Variants in NPTN observed in about 807,000 individuals in gnomAD.
NPTN encodes SDR-1.
A neutral mutation model predicts 42.7 loss-of-function variants in NPTN; 5 were observed. The ratio of observed to expected loss-of-function variants is 0.12; its 90% CI spans 0.06 to 0.25. The LOEUF is 0.25. Among genes scored for constraint, NPTN ranks in the 10% least tolerant of loss-of-function variants. NPTN has a pLI of 1.00. For missense variants in NPTN, 307 were observed against 525.4 expected (o/e 0.58, Z 4.06); for synonymous variants, 180 against 201.9 (o/e 0.89, Z 0.92).
intron 4 of NPTN, among the ~76,000 whole-genome samples, chr15:73,578,256 G>C (rs1595908616): frequency 6.6e-6 from 1 of 152,248 alleles, no homozygotes; most frequent in Non-Finnish European, 1.5e-5. Flanking sequence ...AAAATGATGG[G>C]TGTGTTTTAA....
At chr15:73,593,631 A>C (rs1896700289) in intron 2 of NPTN, among the ~76,000 whole-genome samples, 1 of 152,230 alleles carries the variant, frequency 6.6e-6, no homozygotes, top group Non-Finnish European at 1.5e-5. Context: ...TGGGAAATGT[A>C]ATGTCTTAAG....
chr15:73,579,081 C>T lies in NPTN; in HGVS notation c.707-5286G>A, dbSNP rs572136854. ...GGATCACGAGGTCAGGAGATCAAGA[C>T]CATCCTGGCTAACACGGTGAAACCC... On this transcript the variant is annotated intron_variant, in intron 4 of 8. Coordinates refer to ENST00000345330, the MANE Select transcript of NPTN (RefSeq NM_012428.4). Among the ~76,000 whole-genome samples, 388 of 150,020 alleles carry T rather than the reference C, an allele frequency of 2.6e-3. 6 individuals carry two copies. In the Middle Eastern group the frequency reaches 0.053, roughly 21 times the overall value.
intron 1 of NPTN, among the ~76,000 whole-genome samples, chr15:73,631,918 T>C (rs755237235): frequency 6.6e-6 from 1 of 152,170 alleles, no homozygotes; most frequent in Non-Finnish European, 1.5e-5. Flanking sequence ...CTCCATCTTC[T>C]CAAAGGAGCT....
chr15:73,617,803 T>C (rs1024336516), intron 1 of NPTN, among the ~76,000 whole-genome samples: 2 of 152,212 alleles, frequency 1.3e-5, no homozygotes, highest in Admixed American at 1.3e-4. Context: ...GAAAGCTCAT[T>C]CTTCTGATAA....
At chr15:73,631,672 CA>C (rs1898751802) in intron 1 of NPTN, among the ~76,000 whole-genome samples, 1 of 152,164 alleles carries the variant, frequency 6.6e-6, no homozygotes, top group Admixed American at 6.5e-5. Flanking sequence ...TAACAATAAA[CA>C]ATGAAAGATT....
intron 1 of NPTN, among the ~76,000 whole-genome samples, chr15:73,604,243 C>G (rs565613304): frequency 1.9e-4 from 29 of 152,192 alleles, no homozygotes; most frequent in Admixed American, 6.5e-4. Flanking sequence ...GTGGTCTGAT[C>G]GCTCGAGTCC....
At chr15:73,606,817 G>C (rs1897312824) in intron 1 of NPTN, among the ~76,000 whole-genome samples, 1 of 152,178 alleles carries the variant, frequency 6.6e-6, no homozygotes, top group African/African-American at 2.4e-5. Flanking sequence ...TTCTTTGCTT[G>C]ACCAATATGT....
At chr15:73,628,418 T>A (rs1024030604) in intron 1 of NPTN, among the ~76,000 whole-genome samples, 1 of 152,216 alleles carries the variant, frequency 6.6e-6, no homozygotes. Context: ...GTAAATTGAA[T>A]AGAATACATC....
Position 73,602,991 on chromosome 15 carries a change from G to A in NPTN, c.92-5622C>T, listed in dbSNP as rs565604384. Among the ~76,000 whole-genome samples the A allele has an allele frequency of 3.2e-4, 49 of 152,192 alleles. 1 individual carries two copies. The highest frequency in any genetic ancestry group is 2.2e-3 in the Admixed American group (33 of 15,288). On this transcript the variant is annotated intron_variant, in intron 1 of 8. Transcript: ENST00000345330. The stretch of plus-strand genomic sequence containing the variant: ...CAGCCTTCTGCTTTGGAAAAATAGG[G>A]GAATCTAGTTCATGCCAAGAGAAAC...
In NPTN at chr15:73,607,311, G is replaced by A. The variant is rs150206000; in HGVS notation, c.92-9942C>T. Among the ~76,000 whole-genome samples, 209 of 152,162 alleles carry A rather than the reference G, an allele frequency of 1.4e-3. 1 individual carries two copies. The highest frequency in any genetic ancestry group is 0.013 in the East Asian group (65 of 5,182). The stretch of plus-strand genomic sequence containing the variant: ...AGCTAATCTTTGCCAAACTTTTTCT[G>A]TGAAATGCACCTGTCTATAAATTCA... On this transcript the variant is annotated intron_variant, in intron 1 of 8. Coordinates refer to ENST00000345330, the MANE Select transcript of NPTN (RefSeq NM_012428.4).
At chr15:73,611,439 T>C (rs1897576002) in intron 1 of NPTN, among the ~76,000 whole-genome samples, 1 of 151,890 alleles carries the variant, frequency 6.6e-6, no homozygotes, top group Non-Finnish European at 1.5e-5. Context: ...TCTCAAGCCA[T>C]GAAAAGCCAA....
At chr15:73,591,794 G>T in intron 3 of NPTN, 172 bp downstream of exon 3, 1 of 542,994 alleles carries the variant, frequency 1.8e-6, no homozygotes, top group East Asian at 2.9e-5. Flanking sequence ...AGAATCCTTT[G>T]GGAATCTTTT....
intron 1 of NPTN, among the ~76,000 whole-genome samples, chr15:73,621,143 G>C (rs1898122236): frequency 6.6e-6 from 1 of 152,046 alleles, no homozygotes; most frequent in African/African-American, 2.4e-5. Flanking sequence ...GGGGAGGAGA[G>C]AATGGGGATG....
chr15:73,594,338 A>T (rs1896734645), intron 2 of NPTN, among the ~76,000 whole-genome samples: 2 of 152,174 alleles, frequency 1.3e-5, no homozygotes, highest in African/African-American at 4.8e-5. Context: ...GCTCAGGGAG[A>T]TTAAGAAGTT....
intron 5 of NPTN, among the ~76,000 whole-genome samples, chr15:73,572,972 C>A (rs142058858): frequency 1.0e-3 from 154 of 152,182 alleles, no homozygotes; most frequent in African/African-American, 3.7e-3. Context: ...AAGTGTGTAG[C>A]ATCTCCCTCC....
At position 73,570,032 on chromosome 15, in the gene NPTN, T is replaced by C; in HGVS notation, c.1114+118A>G. On this transcript the variant is annotated intron_variant, in intron 6 of 8. Coordinates refer to ENST00000345330, the MANE Select transcript of NPTN (RefSeq NM_012428.4). The surrounding 1 kb of genome is among the most constrained non-coding windows in gnomAD (Gnocchi z 4.0). ...GGGGGTTAGGAACTGGTATAAGAAT[T>C]TTCCTTCTTTCCTTTAGGGATTGAA... 2.0e-6 allele frequency: 2 copies of C among 980,548 alleles called. No individual in the cohort carries two copies. The highest frequency in any genetic ancestry group is 3.5e-5 in the South Asian group (1 of 28,768). The allele number at this position is 980,548 out of a possible 1,614,324, so 60.7% of individuals were successfully genotyped here.
chr15:73,611,134 C>T (rs1361488410), intron 1 of NPTN, among the ~76,000 whole-genome samples: 1 of 152,164 alleles, frequency 6.6e-6, no homozygotes, highest in African/African-American at 2.4e-5. Context: ...TTTGGTATGA[C>T]ACAGTTTATG....
intron 2 of NPTN, among the ~76,000 whole-genome samples, chr15:73,594,886 G>A (rs1233304382): frequency 6.6e-6 from 1 of 150,934 alleles, no homozygotes; most frequent in African/African-American, 2.4e-5. Flanking sequence ...TGTCCCCATA[G>A]AGCAATGTCT....
At chr15:73,583,486 AG>A (rs1300058499) in intron 4 of NPTN, among the ~76,000 whole-genome samples, 12 of 152,196 alleles carry the variant, frequency 7.9e-5, no homozygotes, top group Non-Finnish European at 1.6e-4. Flanking sequence ...AGGAGAGAAA[AG>A]GAACAAATAA....
Sources: gnomAD v4.1 joint callset for allele counts (sites outside exome capture counted in the v4.1 genomes callset) on GRCh38, gnomAD v4.1.1 for gene constraint, Gnocchi (gnomAD v3.1) non-coding constraint, MANE v1.5 for transcripts, NCBI Gene and HGNC (gene_info 2026-07-23, HGNC 2026-07-21) for gene names.